Variants in IL7 observed in about 807,000 individuals in gnomAD.
IL7 encodes interleukin-7.
IL7 carries 3 observed loss-of-function variants against 21.6 expected under a neutral mutation model. The ratio of observed to expected loss-of-function variants is 0.14; its 90% CI spans 0.06 to 0.36. The LOEUF (loss-of-function observed/expected upper bound fraction) is 0.36, where lower values mean the gene tolerates loss of function less well. Ranked by LOEUF, IL7 falls within the 10% of genes least tolerant of loss-of-function variation. IL7 has a pLI of 1.00. For synonymous variants in IL7, 62 were observed against 68.1 expected (o/e 0.91, Z 0.44); for missense variants, 175 against 200.2 (o/e 0.87, Z 0.76).
At chr8:78,687,263 T>G (rs537689420) in intron 3 of IL7, among the ~76,000 whole-genome samples, 21 of 151,994 alleles carry the variant, frequency 1.4e-4, no homozygotes, top group African/African-American at 5.1e-4. Flanking sequence ...GTAGCCACAT[T>G]AATGCTATGT....
chr8:78,678,589 G>A, intron 4 of IL7: 1 of 1,611,360 alleles, frequency 6.2e-7, no homozygotes, highest in South Asian at 1.1e-5. Context: ...TTTGCCAGAA[G>A]ACTGCAACTA....
At chr8:78,762,380 C>T (rs1362027250) in intron 2 of IL7, 21 of 1,612,294 alleles carry the variant, frequency 1.3e-5, no homozygotes, top group Admixed American at 8.3e-5. Context: ...CAAGTCAAGT[C>T]GGACTGCGTG....
At chr8:78,797,859 G>A (rs34159387) in intron 2 of IL7, 5,871 of 400,206 alleles carry the variant, frequency 0.015, 118 homozygotes, top group Admixed American at 0.067. Flanking sequence ...ATGAATAGTT[G>A]TGAGAATCTT....
intron 2 of IL7, among the ~76,000 whole-genome samples, chr8:78,741,739 G>C (rs1031665080): frequency 6.6e-6 from 1 of 152,102 alleles, no homozygotes; most frequent in Non-Finnish European, 1.5e-5. Context: ...CCCTTAAAAG[G>C]TTGACTCCTA....
chr8:78,675,879 T>C (rs1264150133), exon 5 of IL7: 2 of 1,599,990 alleles, frequency 1.3e-6, no homozygotes, highest in Middle Eastern at 1.7e-4. Flanking sequence ...TAGACTGATT[T>C]TGTACCTTTA....
At chr8:78,698,366 G>T in intron 3 of IL7, 1 of 1,467,578 alleles carries the variant, frequency 6.8e-7, no homozygotes. Context: ...TCTGTTTTAT[G>T]TAACCTTTTT....
intron 3 of IL7, chr8:78,698,613 T>C: frequency 2.3e-6 from 2 of 887,836 alleles, no homozygotes; most frequent in Non-Finnish European, 3.2e-6. Flanking sequence ...CTTCATTTCC[T>C]AAGTTCATTT....
At chr8:78,688,009 C>G (rs1810081638) in intron 3 of IL7, among the ~76,000 whole-genome samples, 1 of 146,580 alleles carries the variant, frequency 6.8e-6, no homozygotes, top group Non-Finnish European at 1.5e-5. Context: ...ATAAAATGAG[C>G]ATGGCTGTGT....
At chr8:78,745,393 G>A (rs989126056) in intron 2 of IL7, among the ~76,000 whole-genome samples, 2 of 152,146 alleles carry the variant, frequency 1.3e-5, no homozygotes, top group Non-Finnish European at 1.5e-5. Flanking sequence ...TTTTAATGGA[G>A]TATTCATTTC....
chr8:78,788,996 C>T (rs761305144), intron 2 of IL7, among the ~76,000 whole-genome samples: 53 of 152,050 alleles, frequency 3.5e-4, no homozygotes, highest in Non-Finnish European at 5.4e-4. Flanking sequence ...CATGATAGTC[C>T]GCCTTGCTCT....
chr8:78,678,551 T>C (rs1336290469), intron 4 of IL7: 3 of 1,596,328 alleles, frequency 1.9e-6, no homozygotes, highest in Non-Finnish European at 2.6e-6. Context: ...CTGCATTTCT[T>C]TATCTTAACA....
intron 2 of IL7, among the ~76,000 whole-genome samples, chr8:78,770,763 A>C (rs1258622984): frequency 6.6e-6 from 1 of 151,972 alleles, no homozygotes; most frequent in Non-Finnish European, 1.5e-5. Flanking sequence ...AGATACACAA[A>C]TTATTTCCTT....
chr8:78,757,929 T>C (rs1007752682), intron 2 of IL7, among the ~76,000 whole-genome samples: 2 of 152,082 alleles, frequency 1.3e-5, no homozygotes, highest in African/African-American at 4.8e-5. Context: ...ATAAGTCTCA[T>C]GAGATCTCAT....
At chr8:78,720,110 G>T (rs796283822) in intron 5 of IL7, among the ~76,000 whole-genome samples, 2 of 151,766 alleles carry the variant, frequency 1.3e-5, no homozygotes, top group Non-Finnish European at 3.0e-5. Flanking sequence ...TATTTGTGAT[G>T]AATAATATTT....
chr8:78,752,569 T>C (rs1261636137), intron 2 of IL7, among the ~76,000 whole-genome samples: 3 of 152,176 alleles, frequency 2.0e-5, no homozygotes, highest in Admixed American at 6.5e-5. Context: ...TATGTTTTAG[T>C]TTCATAAATG....
chr8:78,753,841 C>G (rs1030288342), intron 2 of IL7, among the ~76,000 whole-genome samples: 3 of 152,126 alleles, frequency 2.0e-5, no homozygotes, highest in Non-Finnish European at 4.4e-5. Context: ...AAACCTTTCC[C>G]CATTTCCTGT....
chr8:78,696,912 ATGTT>A (rs1386761319), intron 3 of IL7, among the ~76,000 whole-genome samples: 1 of 152,162 alleles, frequency 6.6e-6, no homozygotes, highest in African/African-American at 2.4e-5. Context: ...TTTTCTACTA[ATGTT>A]TGTTTGGTGT....
chr8:78,789,067 GTAT>G (rs1231447266), intron 2 of IL7, among the ~76,000 whole-genome samples: 1 of 152,084 alleles, frequency 6.6e-6, no homozygotes, highest in Non-Finnish European at 1.5e-5. Context: ...TTAACATAGT[GTAT>G]CATTCCCCAT....
At chr8:78,685,469 T>C (rs1809940064) in intron 4 of IL7, among the ~76,000 whole-genome samples, 1 of 152,154 alleles carries the variant, frequency 6.6e-6, no homozygotes, top group South Asian at 2.1e-4. Context: ...AATTAAAACA[T>C]AATTATGCAT....
Sources: allele counts gnomAD v4.1 joint callset (sites outside exome capture counted in the v4.1 genomes callset), GRCh38; gene constraint gnomAD v4.1.1; transcripts MANE v1.5; gene names NCBI Gene and HGNC (gene_info 2026-07-23, HGNC 2026-07-21).